The following MAP7 variants were observed in gnomAD, a reference collection of about 807,000 sequenced individuals.
MAP7 encodes ensconsin.
A neutral mutation model predicts 94.8 loss-of-function variants in MAP7; 52 were observed. The observed-to-expected ratio is 0.55, with a 90% CI of 0.44 to 0.69. The LOEUF is 0.69. Among genes scored for constraint, MAP7 ranks in the 30% least tolerant of loss-of-function variants. MAP7 has a pLI of 0.00. For synonymous variants in MAP7, 350 were observed against 357.0 expected, an observed-to-expected ratio of 0.98 and a Z score of 0.22; for missense variants, 940 against 964.6, an observed-to-expected ratio of 0.97 and a Z score of 0.34.
chr6:136,405,025 T>C (rs1208495812), intron 3 of MAP7, among the ~76,000 whole-genome samples: 1 of 152,226 alleles, frequency 6.6e-6, no homozygotes, highest in African/African-American at 2.4e-5. Context: ...AGAAAATGAT[T>C]ACTAATAAGA....
At chr6:136,462,860 G>A (rs1227381205) in intron 1 of MAP7, among the ~76,000 whole-genome samples, 1 of 151,462 alleles carries the variant, frequency 6.6e-6, no homozygotes, top group Non-Finnish European at 1.5e-5. Context: ...TACTTGGGAG[G>A]CTGAGGTGGG....
At chr6:136,410,938 A>G (rs1012490626) in intron 3 of MAP7, among the ~76,000 whole-genome samples, 2 of 152,240 alleles carry the variant, frequency 1.3e-5, no homozygotes, top group African/African-American at 4.8e-5. Context: ...TCCAAGGTAC[A>G]TCATTCAGGT....
At position 136,388,436 on chromosome 6, in the gene MAP7, C is replaced by A. The variant is rs776519403; in HGVS notation, c.483G>T (p.Ser161=). 1.4e-5 allele frequency: 22 copies of A among 1,614,040 alleles called. No individual in the cohort carries two copies. Among genetic ancestry groups the A allele is most frequent in the Non-Finnish European group, 1.4e-5 (16 of 1,180,018 alleles). ...QKPKQKHNRW[S]WGGSLHGSPS... The stretch of plus-strand genomic sequence containing the variant: ...GGCTCCCATGGAGAGAGCCTCCCCA[C>A]GACCAACGGTTATGCTTCTGTTTTG... The change falls in exon 5 of 18, where the codon TCG becomes TCT. Residue 161 remains serine, a synonymous_variant. Coordinates refer to ENST00000354570, the MANE Select transcript of MAP7 (RefSeq NM_003980.6).
chr6:136,504,347 TTTTG>T (rs1163545516), intron 1 of MAP7, among the ~76,000 whole-genome samples: 2 of 151,858 alleles, frequency 1.3e-5, no homozygotes, highest in Non-Finnish European at 2.9e-5. Flanking sequence ...TCGTTTTTTG[TTTTG>T]TTTTTTTTTT....
At chr6:136,355,333 C>G (rs1790587838) in intron 16 of MAP7, among the ~76,000 whole-genome samples, 1 of 150,400 alleles carries the variant, frequency 6.6e-6, no homozygotes, top group African/African-American at 2.4e-5. Flanking sequence ...TTTAAAAAAT[C>G]TAATTAAAAC....
At chr6:136,449,609 G>C (rs905052621) in intron 1 of MAP7, among the ~76,000 whole-genome samples, 1 of 152,218 alleles carries the variant, frequency 6.6e-6, no homozygotes, top group Non-Finnish European at 1.5e-5. Flanking sequence ...GGGAGATTAT[G>C]TCTCCCTAAT....
chr6:136,390,590 T>A (rs1393441781), intron 3 of MAP7, among the ~76,000 whole-genome samples: 1 of 152,122 alleles, frequency 6.6e-6, no homozygotes, highest in African/African-American at 2.4e-5. Context: ...GAGGCGGATG[T>A]TGCAGCAAGC....
At chr6:136,526,647 C>T in intron 1 of MAP7, 1 of 985,554 alleles carries the variant, frequency 1.0e-6, no homozygotes, top group East Asian at 1.1e-4. Context: ...CTCTCAGCGG[C>T]AGCGCAGCAG....
chr6:136,510,890 T>A (rs1823067515), intron 1 of MAP7, among the ~76,000 whole-genome samples: 1 of 151,994 alleles, frequency 6.6e-6, no homozygotes, highest in Non-Finnish European at 1.5e-5. Context: ...CTACTGCGTA[T>A]GGAAACATCT....
chr6:136,496,484 A>C lies in MAP7; in HGVS notation c.67+53858T>G, dbSNP rs142684327. Among the ~76,000 whole-genome samples, 1,122 of 151,606 alleles carry C rather than the reference A, an allele frequency of 7.4e-3. 26 individuals are homozygous for C. Among genetic ancestry groups the C allele is most frequent in the African/African-American group, 0.026 (1,045 of 40,878 alleles). On this transcript the variant is annotated intron_variant, in intron 1 of 17. Coordinates refer to ENST00000354570, the MANE Select transcript of MAP7 (RefSeq NM_003980.6). ...TTCTCTTTTTCTTTTTACTTAAGAT[A>C]CTATTCCACAAGATCCTATCAATTT...
intron 5 of MAP7, among the ~76,000 whole-genome samples, chr6:136,384,471 A>G (rs893191034): frequency 6.6e-6 from 1 of 151,852 alleles, no homozygotes; most frequent in African/African-American, 2.4e-5. Context: ...TGTTCATCCT[A>G]TAGTCAAGTA....
intron 1 of MAP7, among the ~76,000 whole-genome samples, chr6:136,481,165 CTG>C (rs1458588543): frequency 6.6e-6 from 1 of 152,120 alleles, no homozygotes; most frequent in East Asian, 1.9e-4. Context: ...TTGTACAATG[CTG>C]GTGGGAATGT....
At chr6:136,474,427 A>G (rs1220686795) in intron 1 of MAP7, among the ~76,000 whole-genome samples, 1 of 152,146 alleles carries the variant, frequency 6.6e-6, no homozygotes, top group African/African-American at 2.4e-5. Context: ...AGAGCAGATG[A>G]CGTCTGGACC....
intron 1 of MAP7, among the ~76,000 whole-genome samples, chr6:136,520,218 G>GA (rs1025902374): frequency 1.3e-5 from 2 of 150,708 alleles, no homozygotes; most frequent in African/African-American, 4.9e-5. Context: ...AAAAAAAAAG[G>GA]GGGGAGGAGC....
rs760897057 is a variant in MAP7 at position 136,359,852 on chromosome 6, T to A, written c.1880A>T (p.Asp627Val). The A allele has an allele frequency of 6.2e-7, 1 of 1,613,548 alleles. No homozygotes were observed. Among genetic ancestry groups the A allele is most frequent in the Non-Finnish European group, 8.5e-7 (1 of 1,179,972 alleles). ...TCCAGTGAGAGCTCCCTTGGCTATA[T>A]CACCGTTTCTCTGATCACTGGTTTT... ...DKKTSDQRNG[D>V]IAKGALTGGT... The change falls in exon 15 of 18, where the codon GAT (aspartate) becomes GTT (valine). Residue 627 changes from aspartate to valine, a missense_variant. Transcript: ENST00000354570.
At chr6:136,487,354 A>G (rs533646674) in intron 1 of MAP7, among the ~76,000 whole-genome samples, 1 of 152,242 alleles carries the variant, frequency 6.6e-6, no homozygotes, top group Non-Finnish European at 1.5e-5. Context: ...AAATGTTGAC[A>G]TAGTTATACA....
At chr6:136,492,848 A>G (rs1817028569) in intron 1 of MAP7, among the ~76,000 whole-genome samples, 1 of 152,188 alleles carries the variant, frequency 6.6e-6, no homozygotes, top group South Asian at 2.1e-4. Context: ...GTATTATTAA[A>G]TAAAGTACTT....
intron 1 of MAP7, among the ~76,000 whole-genome samples, chr6:136,544,509 A>G (rs1451326969): frequency 6.6e-6 from 1 of 152,064 alleles, no homozygotes; most frequent in African/African-American, 2.4e-5. Context: ...CATCCCTCTC[A>G]GCAGGTGTGA....
intron 16 of MAP7, among the ~76,000 whole-genome samples, chr6:136,349,436 C>T (rs1407839556): frequency 3.9e-5 from 6 of 152,124 alleles, no homozygotes; most frequent in African/African-American, 9.7e-5. Flanking sequence ...TGCAGTGGTG[C>T]AATCACGGCT....
Sources: allele counts gnomAD v4.1 joint callset (sites outside exome capture counted in the v4.1 genomes callset), GRCh38; gene constraint gnomAD v4.1.1; transcripts MANE v1.5; gene names NCBI Gene and HGNC (gene_info 2026-07-23, HGNC 2026-07-21).